TTN: variants seen among roughly 807,000 people sequenced by gnomAD.
TTN encodes the protein titin, also known as connectin.
Under a neutral mutation model 3,223.0 loss-of-function variants are expected in TTN, and 1,525 were observed. The ratio of observed to expected loss-of-function variants is 0.47; its 90% CI spans 0.45 to 0.49. The LOEUF is 0.49. TTN is among the 20% of genes least tolerant of loss of function. The probability of loss-of-function intolerance (pLI) is 0.00; values close to 1 mark genes in which losing one functional copy is unlikely to be tolerated. For synonymous variants in TTN, 14,094 were observed against 15,161.0 expected (o/e 0.93, Z 5.17); for missense variants, 40,786 against 43,424.0 (o/e 0.94, Z 5.40).
Position 178,534,874 on chromosome 2 carries a change from C to G in TTN, c.101741G>C (p.Arg33914Thr). 6.2e-7 allele frequency: 1 copy of G among 1,608,620 alleles called. No individual in the cohort carries two copies. The highest frequency in any genetic ancestry group is 8.5e-7 in the Non-Finnish European group (1 of 1,179,800). ...INTSAFELNE[R>T]EIVSYVHQVC... ...CTGGTGAACATAACTTACAATTTCT[C>G]TTTCATTAAGTTCAAAAGCACTTGT... Residue 33914 changes from arginine (R) to threonine (T), a missense_variant, in exon 358 of 363, where the codon AGA becomes ACA. By Grantham distance (71) the Arg-to-Thr change is moderately conservative (BLOSUM62 -1). Transcript: ENST00000589042.
intron 11 of TTN, 39 bp downstream of exon 11, chr2:178,790,669 G>T (rs2093437663): frequency 6.2e-7 from 1 of 1,613,680 alleles, no homozygotes; most frequent in Admixed American, 1.7e-5. Context: ...CAAATGAAAT[G>T]GTGCAAGAGT....
rs758617553 is a variant in TTN at position 178,537,896 on chromosome 2, C to T, written c.99311G>A (p.Arg33104His). ...KLTSGEAPGI[R>H]KEMKDVTTKL... ...TGTGGTAACATCCTTCATTTCTTTGCGTATTCCTGGGGCCTCTCCAGCTGA... is the reference window on the plus strand; with the variant it reads ...TGTGGTAACATCCTTCATTTCTTTGTGTATTCCTGGGGCCTCTCCAGCTGA... The change falls in exon 355 of 363, where the codon CGC becomes CAC. Residue 33104 changes from arginine to histidine, a missense_variant. Coordinates refer to ENST00000589042, the MANE Select transcript of TTN (RefSeq NM_001267550.2). 11 of 1,610,676 alleles carry T rather than the reference C, an allele frequency of 6.8e-6. No individual in the cohort carries two copies. The highest frequency in any genetic ancestry group is 2.2e-5 in the South Asian group (2 of 90,766).
In TTN at chr2:178,651,238, T is replaced by C; in HGVS notation, c.39625+5A>G. ...TTTCTGCAGAATCTCATTAGTGACA[T>C]GTACCTTTTGCTGGTGGGACTTCTG... On this transcript the variant is annotated splice_donor_5th_base_variant and intron_variant, in intron 208 of 362. Transcript: ENST00000589042. 6.2e-7 allele frequency: 1 copy of C among 1,612,002 alleles called. No homozygotes were observed. Among genetic ancestry groups the C allele is most frequent in the African/African-American group, 1.3e-5 (1 of 74,964 alleles).
chr2:178,689,297 T>C lies in TTN; in HGVS notation c.32004A>G (p.Pro10668=). The part of the protein sequence containing the change: ...VPRKEEEVPP[P]PKVPALPKKP... Reference sequence around the variant, plus strand: ...AAGATGGAGAAACAATACCTTTTGGTGGTGGTGGAACTTCTTCCTCCTTCC... The same window carrying C: ...AAGATGGAGAAACAATACCTTTTGGCGGTGGTGGAACTTCTTCCTCCTTCC... Residue 10668 remains proline (P), a synonymous_variant, in exon 124 of 363, where the codon CCA becomes CCG. Transcript: ENST00000589042. The C allele has an allele frequency of 1.9e-6, 3 of 1,611,578 alleles. No homozygotes were observed. Among genetic ancestry groups the C allele is most frequent in the Middle Eastern group, 1.7e-4 (1 of 6,026 alleles).
Position 178,776,466 on chromosome 2 carries a change from G to T in TTN, c.5398C>A (p.Leu1800Ile), listed in dbSNP as rs1307258276. ...TCAGGCAATTGGGATTCTTCCACAA[G>T]ACTTTTCTCATCTTTAACAATAAGG... ...ATLIVKDEKS[L>I]VEESQLPEGR... The change falls in exon 28 of 363, where the codon CTT (leucine) becomes ATT (isoleucine). Residue 1800 changes from leucine to isoleucine, a missense_variant. Coordinates refer to ENST00000589042, the MANE Select transcript of TTN (RefSeq NM_001267550.2). The T allele has an allele frequency of 1.2e-6, 2 of 1,608,058 alleles. No homozygotes were observed. Among genetic ancestry groups the T allele is most frequent in the African/African-American group, 2.7e-5 (2 of 74,908 alleles).
At position 178,728,910 on chromosome 2, in the gene TTN, A is replaced by G. The variant is rs374276199; in HGVS notation, c.19128T>C (p.Tyr6376=). ...ACAAACCTTGTACTAAAAGGAAAGCATAACACCTCTCAACTCCTGACTCAT... is the reference window on the plus strand; with the variant it reads ...ACAAACCTTGTACTAAAAGGAAAGCGTAACACCTCTCAACTCCTGACTCAT... ...AKNESGVERC[Y]AFLLVQEPAQ... is the part of the protein sequence containing the mutation. Residue 6376 remains tyrosine (Y), a synonymous_variant, in exon 65 of 363, where the codon TAT becomes TAC. Coordinates refer to ENST00000589042, the MANE Select transcript of TTN (RefSeq NM_001267550.2). 1.2e-6 allele frequency: 2 copies of G among 1,606,156 alleles called. No individual in the cohort carries two copies. Among genetic ancestry groups the G allele is most frequent in the Non-Finnish European group, 1.7e-6 (2 of 1,175,500 alleles).
chr2:178,614,400 A>G (rs139962165), intron 261 of TTN, 52 bp from the exon 262 acceptor site: 227 of 1,576,090 alleles, frequency 1.4e-4, no homozygotes, highest in Middle Eastern at 1.4e-3. Flanking sequence ...CATTTTTTTT[A>G]TTTTTTTCTT....
chr2:178,644,754 G>GC (rs1290042277), intron 217 of TTN, 138 bp from the exon 218 acceptor site: 1 of 598,352 alleles, frequency 1.7e-6, no homozygotes, highest in East Asian at 3.4e-5. Context: ...AGCCTTCAAA[G>GC]AACATACAAG....
In TTN at chr2:178,718,167, G is replaced by A. The variant is rs375219172; in HGVS notation, c.24839C>T (p.Pro8280Leu). 13 of 1,606,072 alleles carry A rather than the reference G, an allele frequency of 8.1e-6. No homozygotes were observed. Among genetic ancestry groups the A allele is most frequent in the Non-Finnish European group, 1.1e-5 (13 of 1,179,500 alleles). The change falls in exon 86 of 363, where the codon CCT becomes CTT. Residue 8280 changes from proline to leucine, a missense_variant. Transcript: ENST00000589042. Reference sequence around the variant, plus strand: ...ATCCACTTTACACTGTAAAGTTGCAGGTTCTCCAATGACTGCTTCCACATG... The same window carrying A: ...ATCCACTTTACACTGTAAAGTTGCAAGTTCTCCAATGACTGCTTCCACATG... Reference protein sequence around the residue: ...LEHVEAVIGEPATLQCKVDGT... With the variant: ...LEHVEAVIGELATLQCKVDGT...
In TTN at chr2:178,617,023, A is replaced by G. The variant is rs768885075; in HGVS notation, c.47876-10T>C. 6 of 1,612,088 alleles carry G rather than the reference A, an allele frequency of 3.7e-6. No homozygotes were observed. The African/African-American group carries it at 8.0e-5, about 22-fold the overall frequency. ...TCCATTGTTGGTTCAACTACAAAGA[A>G]GAAAAGTTAATGAGTTTGCAGTGCC... On this transcript the variant is annotated splice_polypyrimidine_tract_variant and intron_variant, in intron 255 of 362. Coordinates refer to ENST00000589042, the MANE Select transcript of TTN (RefSeq NM_001267550.2).
chr2:178,799,270 T>C, intron 6 of TTN: 2 of 660,152 alleles, frequency 3.0e-6, no homozygotes, highest in Non-Finnish European at 5.0e-6. Context: ...CCTGAGACCC[T>C]AGTAGGCAGA....
Position 178,564,886 on chromosome 2 carries a change from T to A in TTN, c.81246A>T (p.Thr27082=), listed in dbSNP as rs910471073. The A allele has an allele frequency of 1.2e-6, 2 of 1,612,522 alleles. No homozygotes were observed. Among genetic ancestry groups the A allele is most frequent in the African/African-American group, 2.7e-5 (2 of 74,926 alleles). The change falls in exon 326 of 363, where the codon ACA becomes ACT. Residue 27082 remains threonine (T), a synonymous_variant. Coordinates refer to ENST00000589042, the MANE Select transcript of TTN (RefSeq NM_001267550.2). ...CAAGCATCTGATCTTTTGAGATTGA[T>A]GTCACAAAAGGAGTTCCAGGTGGTC... ...EPGPPGTPFV[T]SISKDQMLVQ...
Position 178,679,652 on chromosome 2 carries a change from T to C in TTN, c.33611A>G (p.Glu11204Gly). The C allele has an allele frequency of 6.2e-7, 1 of 1,611,418 alleles. No individual in the cohort carries two copies. The highest frequency in any genetic ancestry group is 1.1e-5 in the South Asian group (1 of 90,540). Residue 11204 changes from glutamate to glycine, a missense_variant, in exon 141 of 363, where the codon GAA becomes GGA. Transcript: ENST00000589042. ...GGGAACAGGAACAGGTTTCTTCTCT[T>C]CTGGAACAGGTTTCCTGGGTACCTC... ...VPEVPRKPVP[E>G]EKKPVPVPKK...
At chr2:178,586,948 A>C in intron 307 of TTN, 141 bp from the exon 308 acceptor site, 1 of 1,349,892 alleles carries the variant, frequency 7.4e-7, no homozygotes, top group Non-Finnish European at 1.0e-6. Flanking sequence ...AAAACATATA[A>C]GATGAGACAG....
At position 178,542,936 on chromosome 2, in the gene TTN, G is replaced by T; in HGVS notation, c.96918C>A (p.Ile32306=). 6.2e-7 allele frequency: 1 copy of T among 1,600,672 alleles called. No individual in the cohort carries two copies. The highest frequency in any genetic ancestry group is 8.5e-7 in the Non-Finnish European group (1 of 1,170,848). Residue 32306 remains isoleucine, a synonymous_variant, in exon 348 of 363, where the codon ATC becomes ATA. Transcript: ENST00000589042. ...TVQDLRVLPT[I]DLSTMPQKTI... is the part of the protein sequence containing the mutation. The stretch of plus-strand genomic sequence containing the variant: ...TCTTCTGAGGCATTGTAGAAAGATC[G>T]ATTGTTGGCAACACTATGGGAAAGA...
rs1440664418 is a variant in TTN, at chr2:178,588,053, C to T, written c.63354G>A (p.Arg21118=). The T allele has an allele frequency of 6.2e-7, 1 of 1,612,872 alleles. No individual in the cohort carries two copies. Among genetic ancestry groups the T allele is most frequent in the Non-Finnish European group, 8.5e-7 (1 of 1,179,372 alleles). ...ADASPDEGWK[R]CNAAAQLVRK... ...GTACAAGCTGTGCTGCAGCATTACA[C>T]CGTTTCCAGCCTTCATCAGGAGACG... The change falls in exon 305 of 363, where the codon CGG becomes CGA. Residue 21118 remains arginine (R), a synonymous_variant. Transcript: ENST00000589042.
chr2:178,574,040 A>G lies in TTN; in HGVS notation c.72092T>C (p.Val24031Ala). 1.2e-6 allele frequency: 2 copies of G among 1,613,170 alleles called. No homozygotes were observed. The highest frequency in any genetic ancestry group is 1.7e-6 in the Non-Finnish European group (2 of 1,179,510). ...AACCGTGTCCTTAAATTTAACATCC[A>G]CCTTTATCTTTGGTGCCTCAACATC... ...RDDVEAPKIK[V>A]DVKFKDTVIL... The change falls in exon 326 of 363, where the codon GTG becomes GCG. Residue 24031 changes from valine to alanine, a missense_variant. Physicochemically the swap from Val to Ala is moderately conservative, Grantham distance 64 (BLOSUM62 0). Transcript: ENST00000589042.
rs762359298 is a variant in TTN at position 178,717,760 on chromosome 2, T to C, written c.25114A>G (p.Thr8372Ala). The change falls in exon 87 of 363, where the codon ACT becomes GCT. Residue 8372 changes from threonine (T) to alanine (A), a missense_variant. Physicochemically the swap from Thr to Ala is moderately conservative, Grantham distance 58. Transcript: ENST00000589042. ...FARKLKDVHE[T>A]LGFPVAFECR... The stretch of plus-strand genomic sequence containing the variant: ...TCAAATGCAACTGGGAAGCCTAGAG[T>C]CTCATGAACGTCTTTCAGTTTTCTT... The C allele has an allele frequency of 1.2e-6, 2 of 1,611,512 alleles. No individual in the cohort carries two copies. The highest frequency in any genetic ancestry group is 2.2e-5 in the South Asian group (2 of 90,680).
At chr2:178,646,972 C>T in intron 215 of TTN, 92 bp downstream of exon 215, 1 of 430,074 alleles carries the variant, frequency 2.3e-6, no homozygotes, top group Non-Finnish European at 3.8e-6. Flanking sequence ...TATATAATTT[C>T]AAGAAGGAAT....
Sources: allele counts gnomAD v4.1 joint callset, GRCh38; gene constraint gnomAD v4.1.1; transcripts MANE v1.5; gene names NCBI Gene and HGNC (gene_info 2026-07-23, HGNC 2026-07-21).